The following SPEF2 variants were observed in gnomAD, a reference collection of about 807,000 sequenced individuals.
SPEF2 encodes sperm flagella and cilia-associated protein 2.
A neutral mutation model predicts 224.6 loss-of-function variants in SPEF2; 187 were observed. The observed-to-expected ratio is 0.83, with a 90% confidence interval of 0.74 to 0.94. The LOEUF (loss-of-function observed/expected upper bound fraction) is 0.94, where lower values mean the gene tolerates loss of function less well. SPEF2 is among the 40% of genes least tolerant of loss of function. SPEF2 has a pLI of 0.00. For synonymous variants in SPEF2, 715 were observed against 707.3 expected (o/e 1.01, Z -0.17); for missense variants, 2,170 against 2,135.6 (o/e 1.02, Z -0.32).
intron 21 of SPEF2, among the ~76,000 whole-genome samples, chr5:35,739,309 G>T (rs1345844638): frequency 1.3e-5 from 2 of 152,182 alleles, no homozygotes; most frequent in African/African-American, 4.8e-5. Context: ...AAAAGTACAG[G>T]ATGCTAAGGG....
intron 21 of SPEF2, 82 bp from the exon 22 acceptor site, chr5:35,739,837 G>T: frequency 6.5e-7 from 1 of 1,530,348 alleles, no homozygotes; most frequent in Non-Finnish European, 8.8e-7. Context: ...TGACCTTTTT[G>T]CTTGGGACTG....
intron 19 of SPEF2, chr5:35,709,399 G>C: frequency 8.4e-7 from 1 of 1,186,984 alleles, no homozygotes; most frequent in African/African-American, 1.6e-5. Context: ...AAAAGGCACA[G>C]AGTAACAGGT....
chr5:35,814,299 G>C (rs987649013), intron 36 of SPEF2, among the ~76,000 whole-genome samples, 165 bp from the exon 37 acceptor site: 1 of 152,082 alleles, frequency 6.6e-6, no homozygotes, highest in Non-Finnish European at 1.5e-5. Flanking sequence ...TAAGTCTCAG[G>C]GTGGGATTAA....
chr5:35,731,498 T>A lies in SPEF2; in HGVS notation c.3063+3675T>A, dbSNP rs1745636813. ...CAGAAAGATAATTGAGGCTTCCCTC[T>A]AGCAAGCTTCATTGGATTTTTTAGT... On this transcript the variant is annotated intron_variant, in intron 21 of 36. Coordinates refer to ENST00000356031, the MANE Select transcript of SPEF2 (RefSeq NM_024867.4). 2.6e-5 allele frequency among the ~76,000 whole-genome samples: 4 copies of A among 151,336 alleles called. No individual in the cohort carries two copies. In the South Asian group the frequency reaches 8.4e-4, roughly 32 times the overall value.
rs1758719662 is a variant in SPEF2 at position 35,814,499 on chromosome 5, A to T, written c.5415A>T (p.Val1805=). ...IKIILQRSEH[V]QGSDGERSPS... ...TAATTCTCCAAAGGAGTGAACATGT[A>T]CAAGGAAGTGATGGAGAGAGATCAC... Residue 1805 remains valine (V), a synonymous_variant, in exon 37 of 37, where the codon GTA becomes GTT. Transcript: ENST00000356031. The T allele has an allele frequency of 6.2e-7, 1 of 1,609,178 alleles. No individual in the cohort carries two copies. The highest frequency in any genetic ancestry group is 1.1e-5 in the South Asian group (1 of 90,220).
intron 2 of SPEF2, among the ~76,000 whole-genome samples, chr5:35,640,926 G>A (rs1474103025): frequency 2.0e-5 from 3 of 151,952 alleles, no homozygotes; most frequent in East Asian, 1.9e-4. Flanking sequence ...TTGGAAGATG[G>A]GTGCTTTTAG....
At chr5:35,618,162 A>G in intron 1 of SPEF2, 107 bp downstream of exon 1, 2 of 1,229,988 alleles carry the variant, frequency 1.6e-6, no homozygotes, top group Non-Finnish European at 2.3e-6. Context: ...CGCGAGCTGC[A>G]CAGGTGGGGC....
chr5:35,809,236 G>C (rs1758391189), intron 36 of SPEF2, among the ~76,000 whole-genome samples: 1 of 152,116 alleles, frequency 6.6e-6, no homozygotes, highest in Non-Finnish European at 1.5e-5. Context: ...CGTAGTATAA[G>C]CTTCCATAGG....
chr5:35,808,495 C>G (rs188994056), intron 36 of SPEF2, among the ~76,000 whole-genome samples: 427 of 151,886 alleles, frequency 2.8e-3, no homozygotes, highest in Middle Eastern at 0.01. Context: ...TGAGAACATG[C>G]GGTATTTGGT....
chr5:35,763,364 T>A (rs1381292677), intron 25 of SPEF2, among the ~76,000 whole-genome samples, 158 bp from the exon 26 acceptor site: 4 of 152,218 alleles, frequency 2.6e-5, no homozygotes, highest in Non-Finnish European at 5.9e-5. Context: ...TTGAATGCAG[T>A]GTTTTATAAT....
intron 10 of SPEF2, among the ~76,000 whole-genome samples, chr5:35,674,243 G>A (rs181504197): frequency 1.3e-5 from 2 of 151,694 alleles, no homozygotes; most frequent in African/African-American, 4.8e-5. Context: ...TGACTCCCCA[G>A]TGAGATCTTT....
chr5:35,759,787 A>G lies in SPEF2; in HGVS notation c.3620+68A>G, dbSNP rs73086269. The G allele has an allele frequency of 3.0e-4, 408 of 1,363,940 alleles. 2 individuals carry two copies. In the African/African-American group the frequency reaches 5.3e-3, roughly 18 times the overall value. The allele number at this position is 1,363,940 out of a possible 1,614,324, so 84.5% of individuals were successfully genotyped here. A position where few individuals can be genotyped will look rare whatever the true frequency, so the allele number is the denominator to read the frequency against. On this transcript the variant is annotated intron_variant, in intron 25 of 36. Coordinates refer to ENST00000356031, the MANE Select transcript of SPEF2 (RefSeq NM_024867.4). ...AAAGCTTTGTGATTTAAAATTAATT[A>G]CCACTAATAAAAATCACACTCCTTT...
At chr5:35,757,095 C>CTATTAAAAATATTGTTTAT in intron 24 of SPEF2, among the ~76,000 whole-genome samples, 1 of 87,160 alleles carries the variant, frequency 1.1e-5, no homozygotes, top group African/African-American at 2.9e-5. Flanking sequence ...ATATTGTTTA[C>CTATTAAAAATATTGTTTAT]TAGTTATCAT....
chr5:35,789,821 T>C, intron 30 of SPEF2: 1 of 702,820 alleles, frequency 1.4e-6, no homozygotes, highest in Non-Finnish European at 2.6e-6. Context: ...AAAAGAGGTA[T>C]CCATCCTGAC....
chr5:35,789,613 G>T, intron 30 of SPEF2: 1 of 636,200 alleles, frequency 1.6e-6, no homozygotes, highest in Non-Finnish European at 2.8e-6. Flanking sequence ...CTTATCAAGA[G>T]ACTTCAAGGC....
Position 35,700,640 on chromosome 5 carries a change from T to C in SPEF2, c.2286T>C (p.Ala762=). The C allele has an allele frequency of 6.2e-7, 1 of 1,614,030 alleles. No homozygotes were observed. Among genetic ancestry groups the C allele is most frequent in the South Asian group, 1.1e-5 (1 of 91,086 alleles). The change falls in exon 16 of 37, where the codon GCT becomes GCC. Residue 762 remains alanine (A), a synonymous_variant. Coordinates refer to ENST00000356031, the MANE Select transcript of SPEF2 (RefSeq NM_024867.4). ...AAAAAGCACAAAAATCCACATTGGC[T>C]ATTGATCCTGCGACTTCCAAAGAAA... ...ERKKAQKSTL[A]IDPATSKEIP...
At chr5:35,704,528 C>A in intron 16 of SPEF2, 26 bp from the exon 17 acceptor site, 2 of 1,523,234 alleles carry the variant, frequency 1.3e-6, no homozygotes, top group South Asian at 1.2e-5. Context: ...TGAAAATTAT[C>A]TAATTAAATA....
intron 20 of SPEF2, among the ~76,000 whole-genome samples, chr5:35,717,280 C>A (rs1240005784): frequency 6.6e-6 from 1 of 152,130 alleles, no homozygotes; most frequent in Non-Finnish European, 1.5e-5. Context: ...CAGAATTCTT[C>A]TCCCTTGGAG....
chr5:35,701,092 T>C (rs1738537248), intron 16 of SPEF2, among the ~76,000 whole-genome samples: 1 of 152,162 alleles, frequency 6.6e-6, no homozygotes, highest in African/African-American at 2.4e-5. Context: ...GGTCACCCTC[T>C]TGAGGGTCAT....
Sources: allele counts gnomAD v4.1 joint callset (sites outside exome capture counted in the v4.1 genomes callset), GRCh38; gene constraint gnomAD v4.1.1; transcripts MANE v1.5; gene names NCBI Gene and HGNC (gene_info 2026-07-23, HGNC 2026-07-21).